The following MEGF11 variants were observed in gnomAD, a reference collection of about 807,000 sequenced individuals.
MEGF11 encodes multiple epidermal growth factor-like domains protein 11.
MEGF11 carries 126 observed loss-of-function variants against 146.6 expected under a neutral mutation model. The observed-to-expected ratio is 0.86, with a 90% CI of 0.74 to 1.00. The LOEUF (loss-of-function observed/expected upper bound fraction) is 1.00. Ranked by LOEUF, MEGF11 falls within the 50% of genes least tolerant of loss-of-function variation. The pLI is 0.00. For synonymous variants in MEGF11, 532 were observed against 583.4 expected, an observed-to-expected ratio of 0.91 and a Z score of 1.27; for missense variants, 1,509 against 1,521.2, an observed-to-expected ratio of 0.99 and a Z score of 0.13.
At chr15:66,235,386 C>T (rs72625771) in intron 1 of MEGF11, among the ~76,000 whole-genome samples, 36,656 of 151,636 alleles carry the variant, frequency 0.24, 5,065 homozygotes, top group East Asian at 0.63. Flanking sequence ...CCTTTATTCC[C>T]GGCTACTTGG....
intron 13 of MEGF11, 121 bp from the exon 14 acceptor site, chr15:65,923,090 T>C: frequency 9.1e-7 from 1 of 1,098,180 alleles, no homozygotes; most frequent in Non-Finnish European, 1.3e-6. Context: ...TCCAGGAATG[T>C]AGAGGAGAAA....
Position 65,982,191 on chromosome 15 carries a change from A to G in MEGF11, c.641+51T>C, listed in dbSNP as rs1293430228. 6.8e-6 allele frequency: 7 copies of G among 1,031,160 alleles called. No individual in the cohort carries two copies. The highest frequency in any genetic ancestry group is 7.2e-6 in the Non-Finnish European group (6 of 837,170). The allele number at this position is 1,031,160 out of a possible 1,614,324, so 63.9% of individuals were successfully genotyped here. On this transcript the variant is annotated intron_variant, in intron 6 of 25. Transcript: ENST00000395614. This position sits in a 1 kb window ranked among gnomAD's most constrained non-coding sequence, Gnocchi z 5.6. ...TACCCTCCCCACCCAGGCACCCTCC[A>G]GGTCCCGCCCCTCCAGGTCCCGCCC... is the stretch of plus-strand genomic sequence containing the variant.
intron 1 of MEGF11, among the ~76,000 whole-genome samples, chr15:66,158,344 C>T (rs562102065): frequency 2.0e-5 from 3 of 152,302 alleles, no homozygotes; most frequent in East Asian, 1.9e-4. Context: ...TAAAAATTCT[C>T]CTATTCAAAA....
intron 5 of MEGF11, among the ~76,000 whole-genome samples, chr15:66,033,886 G>A (rs558183846): frequency 2.5e-4 from 38 of 152,282 alleles, no homozygotes; most frequent in South Asian, 2.5e-3. Context: ...CTGCCTCCTG[G>A]GTTCAAGCAA....
chr15:65,996,090 G>T (rs1042037770), intron 5 of MEGF11, among the ~76,000 whole-genome samples: 6 of 152,172 alleles, frequency 3.9e-5, no homozygotes, highest in African/African-American at 1.4e-4. Flanking sequence ...TCCTAGTCCA[G>T]GTCCCTCTGC....
intron 10 of MEGF11, among the ~76,000 whole-genome samples, chr15:65,947,504 C>T (rs2080242708): frequency 6.6e-6 from 1 of 152,180 alleles, no homozygotes; most frequent in African/African-American, 2.4e-5. Context: ...GCTACAGCCC[C>T]ACCCTACAGG....
intron 25 of MEGF11, 47 bp from the exon 26 acceptor site, chr15:65,898,141 G>A: frequency 2.6e-6 from 4 of 1,561,908 alleles, no homozygotes; most frequent in Non-Finnish European, 3.5e-6. Flanking sequence ...ATTAGCTTTG[G>A]TTGCCTTGTT....
At chr15:66,032,086 G>A (rs2083542671) in intron 5 of MEGF11, among the ~76,000 whole-genome samples, 1 of 152,168 alleles carries the variant, frequency 6.6e-6, no homozygotes, top group African/African-American at 2.4e-5. Context: ...CTGATGATCT[G>A]GCATAGAACA....
intron 5 of MEGF11, among the ~76,000 whole-genome samples, chr15:66,075,947 G>A (rs2085558511): frequency 6.6e-6 from 1 of 152,192 alleles, no homozygotes; most frequent in African/African-American, 2.4e-5. Flanking sequence ...GGGCTGAAAG[G>A]TCCTTAGGGC....
chr15:66,211,319 C>A (rs186986149), intron 1 of MEGF11, among the ~76,000 whole-genome samples: 3,016 of 152,152 alleles, frequency 0.02, 44 homozygotes, highest in Non-Finnish European at 0.029. Flanking sequence ...GTCAGGAGAT[C>A]GAGACCATCT....
chr15:66,053,714 A>ATTTTTTTTTTTTT lies in MEGF11; in HGVS notation c.394+40687_394+40688insAAAAAAAAAAAAA, dbSNP rs2084549697. Among the ~76,000 whole-genome samples, 10 of 42,268 alleles carry ATTTTTTTTTTTTT rather than the reference A, an allele frequency of 2.4e-4. 5 individuals carry two copies. The highest frequency in any genetic ancestry group is 8.5e-4 in the Admixed American group (2 of 2,340). The allele number at this position is 42,268 out of a possible 152,430, so 27.7% of individuals were successfully genotyped here. A position where few individuals can be genotyped will look rare whatever the true frequency, so the allele number is the denominator to read the frequency against. ...ACTCAGCTCCCCCTCCCCTGGCACC[A>ATTTTTTTTTTTTT]ATTTTTTTTTTTTTTTTTTTTTTTT... On this transcript the variant is annotated intron_variant, in intron 5 of 25. Coordinates refer to ENST00000395614, the MANE Select transcript of MEGF11 (RefSeq NM_001385028.1).
chr15:66,102,725 G>A (rs1300742611), intron 4 of MEGF11, among the ~76,000 whole-genome samples: 1 of 152,160 alleles, frequency 6.6e-6, no homozygotes, highest in African/African-American at 2.4e-5. Flanking sequence ...TTACAGGCAT[G>A]AGCCAGCACA....
At position 66,037,538 on chromosome 15, in the gene MEGF11, G is replaced by A. The variant is rs533729888; in HGVS notation, c.395-55050C>T. 1.2e-4 allele frequency among the ~76,000 whole-genome samples: 18 copies of A among 152,058 alleles called. No homozygotes were observed. The South Asian group carries it at 1.5e-3, about 12-fold the overall frequency. ...AGGTCCATAGAGAAGCACCTGGCAC[G>A]TAGTAAGTGCTCTTTGAGGGTGAGC... is the stretch of plus-strand genomic sequence containing the variant. On this transcript the variant is annotated intron_variant, in intron 5 of 25. Coordinates refer to ENST00000395614, the MANE Select transcript of MEGF11 (RefSeq NM_001385028.1).
At chr15:66,024,541 T>C (rs540005602) in intron 5 of MEGF11, among the ~76,000 whole-genome samples, 62 of 152,234 alleles carry the variant, frequency 4.1e-4, no homozygotes, top group Non-Finnish European at 7.5e-4. Context: ...TGACTGTGTG[T>C]CAGGCACTGT....
intron 5 of MEGF11, among the ~76,000 whole-genome samples, chr15:66,007,096 G>A (rs2140087370): frequency 6.6e-6 from 1 of 152,346 alleles, no homozygotes; most frequent in East Asian, 1.9e-4. Flanking sequence ...GCCTGGGGCT[G>A]AGGGTCCACC....
intron 1 of MEGF11, among the ~76,000 whole-genome samples, chr15:66,129,590 T>A (rs1479783191): frequency 4.6e-5 from 7 of 152,144 alleles, no homozygotes; most frequent in African/African-American, 1.7e-4. Context: ...AGGCTTGAAA[T>A]GGTTGGGGAT....
chr15:65,917,021 G>T, intron 16 of MEGF11, 65 bp from the exon 17 acceptor site: 2 of 1,425,404 alleles, frequency 1.4e-6, no homozygotes, highest in South Asian at 1.5e-5. Flanking sequence ...AGAGGGAGAA[G>T]AAGGGGGAGT....
At chr15:66,118,768 A>G (rs543555280) in intron 4 of MEGF11, among the ~76,000 whole-genome samples, 1 of 152,124 alleles carries the variant, frequency 6.6e-6, no homozygotes, top group African/African-American at 2.4e-5. Flanking sequence ...GGCACCCAGC[A>G]CTTCTTCTCC....
At chr15:66,235,763 C>T (rs1373446060) in intron 1 of MEGF11, among the ~76,000 whole-genome samples, 3 of 152,186 alleles carry the variant, frequency 2.0e-5, no homozygotes, top group African/African-American at 7.2e-5. Flanking sequence ...TCCCACATCT[C>T]ACAGTCCACC....
Sources: gnomAD v4.1 joint callset for allele counts (sites outside exome capture counted in the v4.1 genomes callset) on GRCh38, gnomAD v4.1.1 for gene constraint, Gnocchi (gnomAD v3.1) non-coding constraint, MANE v1.5 for transcripts, NCBI Gene and HGNC (gene_info 2026-07-23, HGNC 2026-07-21) for gene names.